FGFR3: variants seen among roughly 807,000 people sequenced by gnomAD.
FGFR3 encodes FGFR-3.
In FGFR3, 25 loss-of-function variants were observed where a neutral mutation model predicts 82.9. The observed-to-expected ratio is 0.30, with a 90% CI of 0.22 to 0.42. The LOEUF (loss-of-function observed/expected upper bound fraction) is 0.42. Ranked by LOEUF, FGFR3 falls within the 10% of genes least tolerant of loss-of-function variation. FGFR3 has a pLI of 1.00. For synonymous variants in FGFR3, 620 were observed against 516.0 expected, an observed-to-expected ratio of 1.20 and a Z score of -2.73; for missense variants, 1,026 against 1,161.0, an observed-to-expected ratio of 0.88 and a Z score of 1.69.
chr4:1,806,875 C>G lies in FGFR3; in HGVS notation c.2215C>G (p.Pro739Ala), dbSNP rs1476525477. The G allele has an allele frequency of 1.6e-5, 25 of 1,611,606 alleles. No homozygotes were observed. Among genetic ancestry groups the G allele is most frequent in the Non-Finnish European group, 1.9e-5 (22 of 1,179,592 alleles). ...ECWHAAPSQR[P>A]TFKQLVEDLD... The stretch of plus-strand genomic sequence containing the variant: ...CTGGCATGCCGCGCCCTCCCAGAGG[C>G]CCACCTTCAAGCAGCTGGTGGAGGA... The change falls in exon 17 of 18, where the codon CCC becomes GCC. Residue 739 changes from proline (P) to alanine (A), a missense_variant. Pro to Ala is a conservative substitution (Grantham distance 27). Transcript: ENST00000440486.
At chr4:1,804,169 C>T (rs1226338797) in intron 8 of FGFR3, among the ~76,000 whole-genome samples, 161 bp from the exon 9 acceptor site, 1 of 152,208 alleles carries the variant, frequency 6.6e-6, no homozygotes, top group African/African-American at 2.4e-5. Flanking sequence ...CCTCTAGACT[C>T]ACTGGCGTTA....
At chr4:1,797,396 G>A (rs1041241634) in intron 2 of FGFR3, among the ~76,000 whole-genome samples, 1 of 152,186 alleles carries the variant, frequency 6.6e-6, no homozygotes, top group Non-Finnish European at 1.5e-5. Context: ...GCAGTGGGGG[G>A]GGCAGTCAGG....
Position 1,799,476 on chromosome 4 carries a change from A to G in FGFR3, c.332A>G (p.Gln111Arg), listed in dbSNP as rs750076470. 3.1e-6 allele frequency: 5 copies of G among 1,588,498 alleles called. No individual in the cohort carries two copies. The South Asian group carries it at 4.5e-5, about 14-fold the overall frequency. Residue 111 changes from glutamine to arginine, a missense_variant, in exon 3 of 18, where the codon CAG (glutamine) becomes CGG (arginine). Transcript: ENST00000440486. ...HEDSGAYSCRQRLTQRVLCHF... is the reference protein window; with the variant it reads ...HEDSGAYSCRRRLTQRVLCHF... ...GACTCCGGGGCCTACAGCTGCCGGC[A>G]GCGGCTCACGCAGCGCGTACTGTGC...
chr4:1,802,681 G>A (rs1467785724), intron 7 of FGFR3, among the ~76,000 whole-genome samples: 1 of 152,162 alleles, frequency 6.6e-6, no homozygotes, highest in Non-Finnish European at 1.5e-5. Flanking sequence ...GGGAGGGCAG[G>A]CCAGTGACCA....
At chr4:1,799,105 G>A (rs1480039027) in intron 2 of FGFR3, 149 bp from the exon 3 acceptor site, 5 of 1,107,494 alleles carry the variant, frequency 4.5e-6, no homozygotes, top group Non-Finnish European at 5.4e-6. Flanking sequence ...GGCCCTTTTG[G>A]GACACAGTTT....
intron 8 of FGFR3, 72 bp from the exon 9 acceptor site, chr4:1,804,251 CGGCTCTG>C: frequency 6.7e-7 from 1 of 1,482,364 alleles, no homozygotes; most frequent in Non-Finnish European, 9.0e-7. Context: ...GTGGTGCCTG[CGGCTCTG>C]GGCCAGGGGC....
chr4:1,804,838 C>T lies in FGFR3; in HGVS notation c.1281C>T (p.Ser427=), dbSNP rs763188060. ...FPLKRQVSLE[S]NASMSSNTPL... Reference sequence around the variant, plus strand: ...GACCCAAGCAGGTGTCCCTGGAGTCCAACGCGTCCATGAGCTCCAACACAC... The same window carrying T: ...GACCCAAGCAGGTGTCCCTGGAGTCTAACGCGTCCATGAGCTCCAACACAC... Residue 427 remains serine, a synonymous_variant, in exon 10 of 18, where the codon TCC becomes TCT. Transcript: ENST00000440486. The T allele has an allele frequency of 6.5e-7, 1 of 1,549,892 alleles. No homozygotes were observed. The highest frequency in any genetic ancestry group is 2.4e-5 in the East Asian group (1 of 40,912).
chr4:1,801,317 G>A (rs942981144), intron 4 of FGFR3, 50 bp from the exon 5 acceptor site: 2 of 1,533,378 alleles, frequency 1.3e-6, no homozygotes, highest in Middle Eastern at 1.7e-4. Flanking sequence ...GTTCAGAGGG[G>A]CCTCTGCTCC....
chr4:1,798,970 T>C (rs933443198), intron 2 of FGFR3, among the ~76,000 whole-genome samples: 29 of 152,212 alleles, frequency 1.9e-4, no homozygotes, highest in African/African-American at 7.0e-4. Context: ...TGTCCATGAG[T>C]GAAGCATCAT....
At position 1,804,297 on chromosome 4, in the gene FGFR3, C is replaced by G. The variant is rs537418328; in HGVS notation, c.1076-33C>G. On this transcript the variant is annotated intron_variant, in intron 8 of 17. Coordinates refer to ENST00000440486, the MANE Select transcript of FGFR3 (RefSeq NM_000142.5). ...CATGGGAGCCCCGTGGGGGGGGGGG[C>G]CAGGCCAGGCCTCAACGCCCATGTC... is the stretch of plus-strand genomic sequence containing the variant. 1.1e-4 allele frequency: 168 copies of G among 1,548,880 alleles called. 1 individual carries two copies. The highest frequency in any genetic ancestry group is 6.5e-4 in the South Asian group (53 of 81,344).
Position 1,802,026 on chromosome 4 carries a change from G to A in FGFR3, c.930+1G>A, listed in dbSNP as rs2108785199. On this transcript the variant is annotated splice_donor_variant, in intron 7 of 17. Coordinates refer to ENST00000440486, the MANE Select transcript of FGFR3 (RefSeq NM_000142.5). LOFTEE classifies it high-confidence loss of function. ...CACACCCTACGTTACCGTGCTCAAG[G>A]TGGGCCACCGTGTGCACGTGGGTGC... is the stretch of plus-strand genomic sequence containing the variant. The A allele has an allele frequency of 6.2e-7, 1 of 1,610,710 alleles. No homozygotes were observed. Among genetic ancestry groups the A allele is most frequent in the Non-Finnish European group, 8.5e-7 (1 of 1,178,984 alleles).
At position 1,794,022 on chromosome 4, in the gene FGFR3, C is replaced by G. The variant is rs920652013; in HGVS notation, c.88C>G (p.Arg30Gly). 1 of 1,418,864 alleles carries G rather than the reference C, an allele frequency of 7.0e-7. No homozygotes were observed. The highest frequency in any genetic ancestry group is 9.3e-7 in the Non-Finnish European group (1 of 1,074,724). 87.9% of individuals were successfully genotyped at this position (1,418,864 alleles called of 1,614,324 possible). A position where few individuals can be genotyped will look rare whatever the true frequency, so the allele number is the denominator to read the frequency against. Residue 30 changes from arginine to glycine, a missense_variant, in exon 2 of 18, where the codon CGC (arginine) becomes GGC (glycine). By Grantham distance (125) the Arg-to-Gly change is moderately radical. This residue lies in a region of FGFR3 where 226 missense variants were observed against 222.0 expected (regional missense o/e 1.02). Coordinates refer to ENST00000440486, the MANE Select transcript of FGFR3 (RefSeq NM_000142.5). ...CTCGGAGTCCTTGGGGACGGAGCAG[C>G]GCGTCGTGGGGCGAGCGGCAGGTAA... ...ASSESLGTEQ[R>G]VVGRAAEVPG...
chr4:1,798,598 G>A (rs762759820), intron 2 of FGFR3, among the ~76,000 whole-genome samples: 4 of 143,412 alleles, frequency 2.8e-5, no homozygotes, highest in Non-Finnish European at 6.0e-5. Flanking sequence ...CCCGCGCATC[G>A]CCCCCCAGAC....
rs779578849 is a variant in FGFR3, at chr4:1,804,631, G to A, written c.1266+111G>A. The A allele has an allele frequency of 4.3e-4, 649 of 1,497,796 alleles. 3 individuals carry two copies. The highest frequency in any genetic ancestry group is 7.6e-4 in the Middle Eastern group (4 of 5,252). 92.8% of individuals were successfully genotyped at this position (1,497,796 alleles called of 1,614,324 possible). On this transcript the variant is annotated intron_variant, in intron 9 of 17. Coordinates refer to ENST00000440486, the MANE Select transcript of FGFR3 (RefSeq NM_000142.5). ...GTGTGAGCCCTCTCTGCAGCCAGGC[G>A]GGCTCCCCTCTCCTCGTCTCTGCTC... is the stretch of plus-strand genomic sequence containing the variant.
intron 2 of FGFR3, 119 bp from the exon 3 acceptor site, chr4:1,799,135 G>T: frequency 7.1e-7 from 1 of 1,402,640 alleles, no homozygotes. Flanking sequence ...GGTCTGGTGG[G>T]ACCCTGGATC....
chr4:1,794,220 T>C (rs180806150), intron 2 of FGFR3, among the ~76,000 whole-genome samples, 177 bp downstream of exon 2: 1 of 152,178 alleles, frequency 6.6e-6, no homozygotes, highest in Admixed American at 6.5e-5. Context: ...CGGCGACTTG[T>C]GGTGCGCCCG....
chr4:1,803,846 T>TCTGCTGCTG lies in FGFR3; in HGVS notation c.1075+19_1075+27dup. On this transcript the variant is annotated intron_variant, in intron 8 of 17. Transcript: ENST00000440486. ...CTGGTGGTGCTGCCAGGTACCGGCTTCTGCTGCTGCTGCTGCTCCGCACTG... is the reference window on the plus strand; with the variant it reads ...CTGGTGGTGCTGCCAGGTACCGGCTTCTGCTGCTGCTGCTGCTGCTGCTGCTCCGCACTG... The TCTGCTGCTG allele has an allele frequency of 6.2e-7, 1 of 1,610,858 alleles. No homozygotes were observed. Among genetic ancestry groups the TCTGCTGCTG allele is most frequent in the East Asian group, 2.2e-5 (1 of 44,866 alleles).
chr4:1,807,303 C>T lies in FGFR3; in HGVS notation c.*41C>T, dbSNP rs1405266371. ...CAACAATGTGAGGGGTCCCTAGCAGCCCACCCTGCTGCTGGTGCACAGCCA... is the reference window on the plus strand; with the variant it reads ...CAACAATGTGAGGGGTCCCTAGCAGTCCACCCTGCTGCTGGTGCACAGCCA... On this transcript the variant is annotated 3_prime_UTR_variant, in exon 18 of 18. Coordinates refer to ENST00000440486, the MANE Select transcript of FGFR3 (RefSeq NM_000142.5). 6.4e-7 allele frequency: 1 copy of T among 1,561,828 alleles called. No individual in the cohort carries two copies. Among genetic ancestry groups the T allele is most frequent in the Non-Finnish European group, 8.6e-7 (1 of 1,158,262 alleles).
chr4:1,798,045 G>A (rs992096910), intron 2 of FGFR3, among the ~76,000 whole-genome samples: 7 of 151,058 alleles, frequency 4.6e-5, no homozygotes, highest in South Asian at 2.1e-4. Context: ...CCCCAAGCCC[G>A]GGACGCCTGC....
Sources: allele counts gnomAD v4.1 joint callset (sites outside exome capture counted in the v4.1 genomes callset), GRCh38; gene constraint gnomAD v4.1.1; regional missense constraint gnomAD v4.1.1; transcripts MANE v1.5; gene names NCBI Gene and HGNC (gene_info 2026-07-23, HGNC 2026-07-21).